DPH6: variants seen among roughly 807,000 people sequenced by gnomAD.
DPH6 encodes diphthamine biosynthesis 6.
Under a neutral mutation model 38.2 loss-of-function variants are expected in DPH6, and 33 were observed. That is an observed-to-expected ratio of 0.86 (90% CI 0.65 to 1.15). The LOEUF (loss-of-function observed/expected upper bound fraction) is 1.15, where lower values mean the gene tolerates loss of function less well. Ranked by LOEUF, DPH6 falls within the 50% of genes most tolerant of loss-of-function variation. The probability of loss-of-function intolerance (pLI) is 0.00; values close to 1 mark genes in which losing one functional copy is unlikely to be tolerated. For synonymous variants in DPH6, 108 were observed against 103.0 expected, an observed-to-expected ratio of 1.05 and a Z score of -0.30; for missense variants, 325 against 320.0, an observed-to-expected ratio of 1.02 and a Z score of -0.12.
At chr15:35,446,047 C>G (rs373973251) in intron 5 of DPH6, among the ~76,000 whole-genome samples, 3 of 152,146 alleles carry the variant, frequency 2.0e-5, no homozygotes, top group South Asian at 4.2e-4. Context: ...GATGTGTTCT[C>G]AAGACGCAGA....
chr15:35,182,498 T>C, the DPH6 span, among the ~76,000 whole-genome samples: 19 of 152,046 alleles, frequency 1.2e-4, no homozygotes, highest in Non-Finnish European at 2.4e-4. Context: ...TCCCCATCGA[T>C]AGCATGTACA....
chr15:35,173,981 ATATG>A, the DPH6 span, among the ~76,000 whole-genome samples: 1 of 152,144 alleles, frequency 6.6e-6, no homozygotes, highest in Non-Finnish European at 1.5e-5. Context: ...GGTGTTTATG[ATATG>A]TAACTGAACA....
intron 6 of DPH6, among the ~76,000 whole-genome samples, chr15:35,402,897 T>C (rs755438467): frequency 2.0e-5 from 3 of 152,038 alleles, no homozygotes; most frequent in Non-Finnish European, 2.9e-5. Flanking sequence ...ACTTATAATA[T>C]CTTATATAAT....
At chr15:35,315,493 T>C (rs564787342) in intron 3 of DPH6, among the ~76,000 whole-genome samples, 1 of 152,336 alleles carries the variant, frequency 6.6e-6, no homozygotes, top group South Asian at 2.1e-4. Context: ...AGTGACATAT[T>C]ATCTCTCCCC....
At chr15:35,500,353 T>C (rs996756506) in intron 3 of DPH6, among the ~76,000 whole-genome samples, 1 of 152,182 alleles carries the variant, frequency 6.6e-6, no homozygotes, top group African/African-American at 2.4e-5. Context: ...GCAAATGTTT[T>C]CAGCAGACTA....
intron 3 of DPH6, among the ~76,000 whole-genome samples, chr15:35,223,129 A>G (rs2051453366): frequency 6.6e-6 from 1 of 152,190 alleles, no homozygotes; most frequent in Non-Finnish European, 1.5e-5. Context: ...ATGAATGGAA[A>G]TGTATTAGTT....
chr15:35,529,909 T>TAA (rs142616592), intron 3 of DPH6, among the ~76,000 whole-genome samples: 2 of 150,418 alleles, frequency 1.3e-5, no homozygotes, highest in African/African-American at 4.9e-5. Flanking sequence ...AAATAAAAAA[T>TAA]AAAAAAAAAC....
intron 3 of DPH6, among the ~76,000 whole-genome samples, chr15:35,317,688 A>G (rs1192851154): frequency 6.6e-6 from 1 of 152,110 alleles, no homozygotes; most frequent in Non-Finnish European, 1.5e-5. Flanking sequence ...GGTGAATATA[A>G]ATGGTTATTG....
At chr15:35,218,467 T>G (rs2051422857) in exon 4 of DPH6, 1 of 152,224 alleles carries the variant, frequency 6.6e-6, no homozygotes, top group Non-Finnish European at 1.5e-5. Flanking sequence ...TAAGCATGGC[T>G]GACAATTTGC....
intron 6 of DPH6, among the ~76,000 whole-genome samples, chr15:35,392,507 TA>T (rs1264303840): frequency 6.6e-6 from 1 of 152,198 alleles, no homozygotes; most frequent in East Asian, 1.9e-4. Flanking sequence ...TTATAAACGG[TA>T]TTCTTAACAT....
At chr15:35,356,992 C>G (rs1284364219) in intron 3 of DPH6, among the ~76,000 whole-genome samples, 1 of 152,170 alleles carries the variant, frequency 6.6e-6, no homozygotes. Flanking sequence ...GCGGGTGCCT[C>G]TCCCCCAGCC....
the DPH6 span, among the ~76,000 whole-genome samples, chr15:35,161,314 T>C: frequency 6.6e-6 from 1 of 151,908 alleles, no homozygotes; most frequent in African/African-American, 2.4e-5. Flanking sequence ...TTCAACTTCC[T>C]AGGTGTTCAC....
chr15:35,223,097 G>A (rs1215691788), intron 3 of DPH6, among the ~76,000 whole-genome samples: 1 of 152,110 alleles, frequency 6.6e-6, no homozygotes, highest in Non-Finnish European at 1.5e-5. Context: ...CTATAACAGG[G>A]TACTTGACTG....
intron 5 of DPH6, among the ~76,000 whole-genome samples, chr15:35,422,631 T>C (rs2053520283): frequency 6.6e-6 from 1 of 151,888 alleles, no homozygotes; most frequent in Non-Finnish European, 1.5e-5. Flanking sequence ...ACAGTGTTGT[T>C]AACTATAGAC....
chr15:35,517,900 T>A (rs1002364635), intron 3 of DPH6, among the ~76,000 whole-genome samples: 5 of 152,092 alleles, frequency 3.3e-5, no homozygotes, highest in African/African-American at 1.2e-4. Flanking sequence ...TACTTCTTAT[T>A]CATTTCCTAT....
chr15:35,289,811 C>T (rs900233173), intron 3 of DPH6, among the ~76,000 whole-genome samples: 1 of 152,152 alleles, frequency 6.6e-6, no homozygotes, highest in Non-Finnish European at 1.5e-5. Flanking sequence ...ATGTAATGCA[C>T]TAAAATTGAT....
chr15:35,161,695 GCTCTCTCTCT>G, the DPH6 span, among the ~76,000 whole-genome samples: 1 of 150,134 alleles, frequency 6.7e-6, no homozygotes, highest in African/African-American at 2.5e-5. Flanking sequence ...TAGTGTGCTC[GCTCTCTCTCT>G]CTCTCTCTCA....
chr15:35,427,119 A>T (rs1437430585), intron 5 of DPH6, among the ~76,000 whole-genome samples: 1 of 151,862 alleles, frequency 6.6e-6, no homozygotes, highest in Non-Finnish European at 1.5e-5. Context: ...ACAGCAAGTA[A>T]AGAGGATGTG....
intron 3 of DPH6, among the ~76,000 whole-genome samples, chr15:35,460,662 T>C (rs1425772333): frequency 1.3e-5 from 2 of 152,234 alleles, no homozygotes; most frequent in Non-Finnish European, 2.9e-5. Flanking sequence ...ATCATTATCT[T>C]CCTCACTTTG....
Sources: gnomAD v4.1 joint callset for allele counts (sites outside exome capture counted in the v4.1 genomes callset) on GRCh38, gnomAD v4.1.1 for gene constraint, MANE v1.5 for transcripts, NCBI Gene and HGNC (gene_info 2026-07-23, HGNC 2026-07-21) for gene names.